The following IREB2 variants were observed in gnomAD, a reference collection of about 807,000 sequenced individuals.
The protein encoded by IREB2 is iron-responsive element-binding protein 2.
Under a neutral mutation model 118.8 loss-of-function variants are expected in IREB2, and 39 were observed. The observed-to-expected ratio is 0.33, with a 90% CI of 0.25 to 0.43. The LOEUF (loss-of-function observed/expected upper bound fraction) is 0.43, where lower values mean the gene tolerates loss of function less well. IREB2 is among the 20% of genes least tolerant of loss of function. The probability of loss-of-function intolerance (pLI) is 1.00; values close to 1 mark genes in which losing one functional copy is unlikely to be tolerated. For synonymous variants in IREB2, 372 were observed against 392.2 expected, an observed-to-expected ratio of 0.95 and a Z score of 0.61; for missense variants, 900 against 1,147.3, an observed-to-expected ratio of 0.78 and a Z score of 3.11.
chr15:78,487,831 A>T lies in IREB2; in HGVS notation c.1794+14A>T. On this transcript the variant is annotated intron_variant, in intron 14 of 21. Coordinates refer to ENST00000258886, the MANE Select transcript of IREB2 (RefSeq NM_004136.4). ...GCAGTAAAACAGGTAAAATGTGTGG[A>T]TTGGCAAGACATCTAAATGATTTTC... is the stretch of plus-strand genomic sequence containing the variant. 1 of 1,462,130 alleles carries T rather than the reference A, an allele frequency of 6.8e-7. No homozygotes were observed. The highest frequency in any genetic ancestry group is 9.6e-7 in the Non-Finnish European group (1 of 1,044,488). The allele number at this position is 1,462,130 out of a possible 1,614,324, so 90.6% of individuals were successfully genotyped here.
chr15:78,469,072 C>A (rs17484235), intron 5 of IREB2, among the ~76,000 whole-genome samples: 11 of 151,902 alleles, frequency 7.2e-5, no homozygotes, highest in Non-Finnish European at 4.4e-5. Flanking sequence ...ATTTTGACTC[C>A]GAATTACAAA....
chr15:78,456,249 G>A (rs1483804129), intron 2 of IREB2, among the ~76,000 whole-genome samples: 4 of 152,166 alleles, frequency 2.6e-5, no homozygotes, highest in Non-Finnish European at 2.9e-5. Flanking sequence ...TGTTTTGAGA[G>A]ACAGTGGTAT....
rs1596005722 is a variant in IREB2 at position 78,478,157 on chromosome 15, T to C, written c.1196-140T>C. On this transcript the variant is annotated intron_variant, in intron 9 of 21. Transcript: ENST00000258886. ...GCTGACATGGGAGGATTGCTTGAGC[T>C]CGGGAGGTCAAGGTTGCAGTGAGCT... The C allele has an allele frequency of 7.1e-6, 4 of 562,226 alleles. No homozygotes were observed. The East Asian group carries it at 1.2e-4, about 17-fold the overall frequency. The allele number at this position is 562,226 out of a possible 1,614,324, so 34.8% of individuals were successfully genotyped here.
chr15:78,457,167 T>A (rs141649842), intron 2 of IREB2, among the ~76,000 whole-genome samples: 1 of 152,336 alleles, frequency 6.6e-6, no homozygotes, highest in East Asian at 1.9e-4. Flanking sequence ...GAATAAATCA[T>A]CTCTGAACTC....
At chr15:78,448,176 G>T (rs1437970836) in intron 2 of IREB2, among the ~76,000 whole-genome samples, 1 of 152,188 alleles carries the variant, frequency 6.6e-6, no homozygotes, top group African/African-American at 2.4e-5. Flanking sequence ...ACAGAGTCTT[G>T]CTCTGTCATC....
chr15:78,455,262 AGTGG>A (rs2051087880), intron 2 of IREB2, among the ~76,000 whole-genome samples: 1 of 152,172 alleles, frequency 6.6e-6, no homozygotes, highest in South Asian at 2.1e-4. Flanking sequence ...ATGTGGTAAG[AGTGG>A]GGATCAGAGA....
chr15:78,497,408 TAATG>T (rs1281064025), intron 21 of IREB2, 97 bp downstream of exon 21: 2 of 857,324 alleles, frequency 2.3e-6, no homozygotes, highest in East Asian at 5.3e-5. Context: ...TAATGTCACT[TAATG>T]AATGTTAAGT....
chr15:78,481,210 A>G lies in IREB2; in HGVS notation c.1297-2108A>G, dbSNP rs540773617. On this transcript the variant is annotated intron_variant, in intron 10 of 21. Transcript: ENST00000258886. ...GCTGCAGTGAGCTATGATCGAGTCAATGCACTCCAGCCTTGAGCGATAGCA... is the reference window on the plus strand; with the variant it reads ...GCTGCAGTGAGCTATGATCGAGTCAGTGCACTCCAGCCTTGAGCGATAGCA... Among the ~76,000 whole-genome samples, 130 of 152,218 alleles carry G rather than the reference A, an allele frequency of 8.5e-4. 2 individuals are homozygous for G. The highest frequency in any genetic ancestry group is 4.6e-3 in the Admixed American group (70 of 15,292).
chr15:78,463,710 ACTCT>A (rs1659781529), intron 3 of IREB2, among the ~76,000 whole-genome samples: 1 of 152,002 alleles, frequency 6.6e-6, no homozygotes, highest in Non-Finnish European at 1.5e-5. Flanking sequence ...AGGTAGTCTC[ACTCT>A]GTCACCTAGG....
In IREB2 at chr15:78,454,599, A is replaced by G. The variant is rs1465911758; in HGVS notation, c.107-8323A>G. Among the ~76,000 whole-genome samples the G allele has an allele frequency of 2.0e-5, 3 of 152,356 alleles. No homozygotes were observed. In the East Asian group the frequency reaches 5.8e-4, roughly 29 times the overall value. ...ACTGATTTATGATGTTGATTGTACA[A>G]CTTGGTAAACTTACGTTACAAAAAT... On this transcript the variant is annotated intron_variant, in intron 2 of 21. Coordinates refer to ENST00000258886, the MANE Select transcript of IREB2 (RefSeq NM_004136.4).
chr15:78,488,909 C>G (rs186624737), intron 16 of IREB2, 138 bp downstream of exon 16: 2 of 547,548 alleles, frequency 3.7e-6, no homozygotes, highest in Non-Finnish European at 6.0e-6. Context: ...AAGTTTGTAT[C>G]TGGAATCTGT....
In IREB2 at chr15:78,463,063, C is replaced by G; in HGVS notation, c.248C>G (p.Ala83Gly). Residue 83 changes from alanine to glycine, a missense_variant, in exon 3 of 22, where the codon GCC (alanine) becomes GGC (glycine). Ala to Gly is a moderately conservative substitution (Grantham distance 60, BLOSUM62 0). Coordinates refer to ENST00000258886, the MANE Select transcript of IREB2 (RefSeq NM_004136.4). The part of the protein sequence containing the change: ...QSNVEVPFFP[A>G]RVLLQDFTGI... The stretch of plus-strand genomic sequence containing the variant: ...AATGTTGAAGTGCCCTTTTTCCCTG[C>G]CCGTGTTCTTCTTCAAGATTTTACG... 1 of 1,604,636 alleles carries G rather than the reference C, an allele frequency of 6.2e-7. No homozygotes were observed. Among genetic ancestry groups the G allele is most frequent in the Non-Finnish European group, 8.5e-7 (1 of 1,177,196 alleles).
In IREB2 at chr15:78,481,079, G is replaced by A. The variant is rs1328941039; in HGVS notation, c.1297-2239G>A. On this transcript the variant is annotated intron_variant, in intron 10 of 21. Coordinates refer to ENST00000258886, the MANE Select transcript of IREB2 (RefSeq NM_004136.4). ...GCCTGTAATTACAACCCTTTGGGAGGCCAAGGCAAGAGGATTACTTAAGGC... is the reference window on the plus strand; with the variant it reads ...GCCTGTAATTACAACCCTTTGGGAGACCAAGGCAAGAGGATTACTTAAGGC... Among the ~76,000 whole-genome samples the A allele has an allele frequency of 2.6e-5, 4 of 152,114 alleles. No homozygotes were observed. The East Asian group carries it at 5.8e-4, about 22-fold the overall frequency.
In IREB2 at chr15:78,438,348, C is replaced by A. The variant is rs756847270; in HGVS notation, c.11C>A (p.Pro4Gln). 6.3e-7 allele frequency: 1 copy of A among 1,597,446 alleles called. No homozygotes were observed. Among genetic ancestry groups the A allele is most frequent in the Non-Finnish European group, 8.5e-7 (1 of 1,172,846 alleles). The change falls in exon 1 of 22, where the codon CCA becomes CAA. Residue 4 changes from proline (P) to glutamine (Q), a missense_variant. Transcript: ENST00000258886. ...ATATGGTCTCCGGCGATGGACGCCC[C>A]AAAAGCAGGTCAGTTTCGGGCCTCC... Reference protein sequence around the residue: MDAPKAGYAFEYLI... With the variant: MDAQKAGYAFEYLI...
chr15:78,497,469 T>C (rs1192383238), intron 21 of IREB2, 158 bp downstream of exon 21: 1 of 618,344 alleles, frequency 1.6e-6, no homozygotes, highest in East Asian at 2.8e-5. Flanking sequence ...CTAGCTATGT[T>C]AATAGTTCAT....
At chr15:78,483,555 G>A in intron 11 of IREB2, 121 bp downstream of exon 11, 2 of 601,068 alleles carry the variant, frequency 3.3e-6, no homozygotes, top group South Asian at 2.5e-5. Context: ...GCACACACCA[G>A]CAGCCCCCTT....
intron 2 of IREB2, among the ~76,000 whole-genome samples, chr15:78,441,048 A>T (rs17483686): frequency 0.29 from 44,404 of 152,076 alleles, 6,848 homozygotes; most frequent in Middle Eastern, 0.4. Flanking sequence ...CAGTTTTGGA[A>T]GGAGCTTTAA....
intron 2 of IREB2, among the ~76,000 whole-genome samples, chr15:78,440,882 A>G (rs900159757): frequency 2.0e-5 from 3 of 152,210 alleles, no homozygotes; most frequent in Admixed American, 2.0e-4. Flanking sequence ...TGGGCGACCT[A>G]TAGGGCATTG....
intron 2 of IREB2, among the ~76,000 whole-genome samples, chr15:78,441,181 C>T (rs551681286): frequency 3.5e-4 from 53 of 152,222 alleles, no homozygotes; most frequent in Admixed American, 3.3e-3. Context: ...TGAAATACAG[C>T]TATTTTGGAG....
Sources: gnomAD v4.1 joint callset for allele counts (sites outside exome capture counted in the v4.1 genomes callset) on GRCh38, gnomAD v4.1.1 for gene constraint, MANE v1.5 for transcripts, NCBI Gene and HGNC (gene_info 2026-07-23, HGNC 2026-07-21) for gene names.